Variants in BMPR1B observed in about 807,000 individuals in gnomAD.
The protein encoded by BMPR1B is bone morphogenetic protein receptor type-1B.
Under a neutral mutation model 59.1 loss-of-function variants are expected in BMPR1B, and 12 were observed. That is an observed-to-expected ratio of 0.20 (90% CI 0.13 to 0.33). The LOEUF is 0.33. Ranked by LOEUF, BMPR1B falls within the 10% of genes least tolerant of loss-of-function variation. BMPR1B has a pLI of 1.00. For missense variants in BMPR1B, 550 were observed against 610.9 expected (o/e 0.90, Z 1.05); for synonymous variants, 237 against 207.3 (o/e 1.14, Z -1.23).
At chr4:95,108,165 A>C (rs139358262) in intron 4 of BMPR1B, among the ~76,000 whole-genome samples, 2 of 152,116 alleles carry the variant, frequency 1.3e-5, no homozygotes, top group African/African-American at 4.8e-5. Flanking sequence ...AACAGACATA[A>C]ATTTGTTCCT....
intron 3 of BMPR1B, among the ~76,000 whole-genome samples, chr4:95,004,473 T>C (rs1722681828): frequency 6.6e-6 from 1 of 152,202 alleles, no homozygotes. Context: ...GTCTTAAAAG[T>C]CTTAAATAGT....
chr4:94,795,522 T>G (rs1222275433), intron 1 of BMPR1B, among the ~76,000 whole-genome samples: 1 of 152,144 alleles, frequency 6.6e-6, no homozygotes, highest in Non-Finnish European at 1.5e-5. Context: ...TGGAGTGCAG[T>G]GGCGTGATCT....
intron 1 of BMPR1B, among the ~76,000 whole-genome samples, chr4:94,835,592 G>T (rs1445460278): frequency 6.6e-6 from 1 of 152,082 alleles, no homozygotes; most frequent in Non-Finnish European, 1.5e-5. Context: ...ACCAAATGTG[G>T]TGTGAAAGAT....
In BMPR1B at chr4:95,104,496, C is replaced by G. The variant is rs148603233; in HGVS notation, c.72C>G (p.Thr24=). The change falls in exon 4 of 13, where the codon ACC becomes ACG. Residue 24 remains threonine (T), a synonymous_variant. Coordinates refer to ENST00000515059, the MANE Select transcript of BMPR1B (RefSeq NM_001203.3). ...AGGATGGTGAGAGTACAGCCCCCACCCCCCGTCCAAAGGTCTTGCGTTGTA... is the reference window on the plus strand; with the variant it reads ...AGGATGGTGAGAGTACAGCCCCCACGCCCCGTCCAAAGGTCTTGCGTTGTA... ...KKEDGESTAP[T]PRPKVLRCKC... is the part of the protein sequence containing the mutation. 6.2e-6 allele frequency: 10 copies of G among 1,613,256 alleles called. No individual in the cohort carries two copies. The African/African-American group carries it at 8.0e-5, about 13-fold the overall frequency.
intron 2 of BMPR1B, among the ~76,000 whole-genome samples, chr4:94,970,015 ATTC>A (rs1730711669): frequency 6.6e-6 from 1 of 152,196 alleles, no homozygotes; most frequent in African/African-American, 2.4e-5. Flanking sequence ...AGTATTTACT[ATTC>A]TTCAGAGTTA....
chr4:94,980,715 A>C (rs1218413525), intron 2 of BMPR1B, among the ~76,000 whole-genome samples: 1 of 152,186 alleles, frequency 6.6e-6, no homozygotes, highest in Non-Finnish European at 1.5e-5. Context: ...AAAACCCTGA[A>C]TTGGAATAGG....
At chr4:95,141,385 C>T (rs1734219494) in intron 10 of BMPR1B, among the ~76,000 whole-genome samples, 2 of 152,264 alleles carry the variant, frequency 1.3e-5, no homozygotes, top group Non-Finnish European at 1.5e-5. Context: ...TCCTGTGAGA[C>T]AGTCTCTGTG....
chr4:95,076,865 A>T (rs1212976696), intron 3 of BMPR1B, among the ~76,000 whole-genome samples: 5 of 152,172 alleles, frequency 3.3e-5, no homozygotes, highest in Admixed American at 1.3e-4. Context: ...TAAGGTATGG[A>T]TAGGGAGCAG....
intron 2 of BMPR1B, among the ~76,000 whole-genome samples, chr4:94,917,573 C>T (rs955461158): frequency 1.3e-5 from 2 of 152,142 alleles, no homozygotes; most frequent in African/African-American, 4.8e-5. Context: ...CCAGTCTCTC[C>T]CCTTTAGAAT....
intron 3 of BMPR1B, among the ~76,000 whole-genome samples, chr4:95,079,202 C>G (rs978890273): frequency 6.6e-6 from 1 of 152,176 alleles, no homozygotes; most frequent in Admixed American, 6.5e-5. Context: ...AAAATACACA[C>G]AATTGAGATA....
chr4:95,066,266 A>G lies in BMPR1B; in HGVS notation c.-17-38142A>G, dbSNP rs114085449. ...TGTCACAGGGGAGAGTGGTTGGGAA[A>G]TTGCCTGTACTGACAAGCCCTTCTC... is the stretch of plus-strand genomic sequence containing the variant. On this transcript the variant is annotated intron_variant, in intron 3 of 12. Coordinates refer to ENST00000515059, the MANE Select transcript of BMPR1B (RefSeq NM_001203.3). Among the ~76,000 whole-genome samples, 772 of 152,308 alleles carry G rather than the reference A, an allele frequency of 5.1e-3. 6 individuals carry two copies. Among genetic ancestry groups the G allele is most frequent in the African/African-American group, 0.018 (730 of 41,560 alleles).
intron 3 of BMPR1B, among the ~76,000 whole-genome samples, chr4:95,053,867 G>A (rs1726716151): frequency 6.6e-6 from 1 of 152,100 alleles, no homozygotes; most frequent in African/African-American, 2.4e-5. Flanking sequence ...GAAGGACTAT[G>A]AGATTAACAG....
At chr4:94,993,985 A>G (rs1721906917) in intron 2 of BMPR1B, among the ~76,000 whole-genome samples, 1 of 152,182 alleles carries the variant, frequency 6.6e-6, no homozygotes, top group Non-Finnish European at 1.5e-5. Context: ...TATATTTAAA[A>G]TAGCTGATGT....
chr4:95,106,508 T>C (rs1171668425), intron 4 of BMPR1B, among the ~76,000 whole-genome samples: 6 of 152,028 alleles, frequency 3.9e-5, no homozygotes, highest in Admixed American at 1.3e-4. Flanking sequence ...AGCTGTATGA[T>C]GATGGATTAG....
chr4:94,892,048 C>CA (rs571607080), intron 2 of BMPR1B, among the ~76,000 whole-genome samples: 1 of 151,948 alleles, frequency 6.6e-6, no homozygotes, highest in Non-Finnish European at 1.5e-5. Flanking sequence ...TGGTCCTTTT[C>CA]AAAAAAACTC....
At chr4:94,844,223 TTGTGTGTGTGTGTGTG>T (rs150471976) in intron 1 of BMPR1B, among the ~76,000 whole-genome samples, 3 of 146,554 alleles carry the variant, frequency 2.0e-5, no homozygotes, top group African/African-American at 7.5e-5. Context: ...TGAATCATCT[TTGTGTGTGTGTGTGTG>T]TGTGTGTGTG....
chr4:95,105,155 T>C (rs896788294), intron 4 of BMPR1B, among the ~76,000 whole-genome samples: 1 of 152,126 alleles, frequency 6.6e-6, no homozygotes. Flanking sequence ...TTTGCCTTTT[T>C]CTTCCTTAAA....
chr4:95,128,474 C>CAA (rs1356038143), intron 8 of BMPR1B, among the ~76,000 whole-genome samples: 1 of 152,124 alleles, frequency 6.6e-6, no homozygotes, highest in African/African-American at 2.4e-5. Context: ...CCATTGATAT[C>CAA]AGAGTTCTTC....
At chr4:94,877,656 G>C (rs1012688232) in intron 2 of BMPR1B, among the ~76,000 whole-genome samples, 8 of 152,196 alleles carry the variant, frequency 5.3e-5, no homozygotes, top group Non-Finnish European at 1.2e-4. Flanking sequence ...AGATTTGCCA[G>C]AACAGTGGGA....
Sources: allele counts gnomAD v4.1 joint callset (sites outside exome capture counted in the v4.1 genomes callset), GRCh38; gene constraint gnomAD v4.1.1; transcripts MANE v1.5; gene names NCBI Gene and HGNC (gene_info 2026-07-23, HGNC 2026-07-21).